Variants in SH2D4A observed in about 807,000 individuals in gnomAD.
The protein encoded by SH2D4A is SH2 domain-containing protein 4A.
A neutral mutation model predicts 64.7 loss-of-function variants in SH2D4A; 70 were observed. That is an observed-to-expected ratio of 1.08 (90% CI 0.89 to 1.32). The LOEUF (loss-of-function observed/expected upper bound fraction) is 1.32. SH2D4A is among the 40% of genes most tolerant of loss of function. The pLI is 0.00. For missense variants in SH2D4A, 706 were observed against 540.1 expected (o/e 1.31, Z -3.04); for synonymous variants, 268 against 200.7 (o/e 1.34, Z -2.83).
intron 4 of SH2D4A, among the ~76,000 whole-genome samples, chr8:19,342,985 T>G (rs4360306): frequency 0.078 from 11,875 of 152,218 alleles, 498 homozygotes; most frequent in Middle Eastern, 0.14. Context: ...AGCACGCTGC[T>G]TCCGTCTCTG....
intron 2 of SH2D4A, among the ~76,000 whole-genome samples, chr8:19,324,549 T>G (rs977091568): frequency 6.6e-6 from 1 of 152,268 alleles, no homozygotes; most frequent in South Asian, 2.1e-4. Context: ...CTTGATCAAT[T>G]CCTCAGCCGC....
In SH2D4A at chr8:19,327,887, C is replaced by G. The variant is rs926095889; in HGVS notation, c.182-5068C>G. Among the ~76,000 whole-genome samples, 10 of 152,180 alleles carry G rather than the reference C, an allele frequency of 6.6e-5. No individual in the cohort carries two copies. The South Asian group carries it at 1.4e-3, about 22-fold the overall frequency. Reference sequence around the variant, plus strand: ...CCTTTGTAGCCTGCCCCACTGGCGTCCCCAGAATGAGTCTCTCTGAAGTCC... The same window carrying G: ...CCTTTGTAGCCTGCCCCACTGGCGTGCCCAGAATGAGTCTCTCTGAAGTCC... On this transcript the variant is annotated intron_variant, in intron 2 of 9. Transcript: ENST00000265807.
chr8:19,343,261 C>T (rs1024033078), intron 4 of SH2D4A, among the ~76,000 whole-genome samples: 4 of 151,846 alleles, frequency 2.6e-5, no homozygotes, highest in African/African-American at 9.7e-5. Flanking sequence ...ACTGTCTCTA[C>T]AGAAATTAAA....
rs1262597262 is a variant in SH2D4A at position 19,395,045 on chromosome 8, G to A, written c.*403G>A. The A allele has an allele frequency of 3.3e-5, 5 of 153,132 alleles. No individual in the cohort carries two copies. Among genetic ancestry groups the A allele is most frequent in the African/African-American group, 1.2e-4 (5 of 41,484 alleles). The allele number at this position is 153,132 out of a possible 1,614,324, so 9.5% of individuals were successfully genotyped here. A position where few individuals can be genotyped will look rare whatever the true frequency, so the allele number is the denominator to read the frequency against. ...GGTTTCAGGGGCCTGTTGACATGAA[G>A]TTTCGAAGTTTCATGTTGGCTTTGG... On this transcript the variant is annotated 3_prime_UTR_variant, in exon 10 of 10. Transcript: ENST00000265807.
intron 2 of SH2D4A, among the ~76,000 whole-genome samples, chr8:19,330,003 C>T (rs1393003095): frequency 6.6e-6 from 1 of 152,198 alleles, no homozygotes; most frequent in Non-Finnish European, 1.5e-5. Context: ...TCATTAAATG[C>T]ATCACCTAAT....
At chr8:19,361,135 A>ATT in intron 5 of SH2D4A, 68 bp from the exon 6 acceptor site, 1 of 880,454 alleles carries the variant, frequency 1.1e-6, no homozygotes, top group South Asian at 1.8e-5. Flanking sequence ...AAACTGCTGG[A>ATT]TTTGCTCACC....
intron 8 of SH2D4A, chr8:19,375,049 C>G (rs192745646): frequency 6.6e-6 from 1 of 152,210 alleles, no homozygotes; most frequent in East Asian, 1.9e-4. Context: ...ACAGGCAGTT[C>G]TGTTTGAAAG....
intron 2 of SH2D4A, among the ~76,000 whole-genome samples, chr8:19,320,866 T>C (rs547916418): frequency 2.6e-5 from 4 of 152,120 alleles, no homozygotes; most frequent in Non-Finnish European, 5.9e-5. Flanking sequence ...GAAAATAAAA[T>C]TTTGTAAAAT....
chr8:19,314,620 C>G (rs956721269), intron 1 of SH2D4A, among the ~76,000 whole-genome samples: 1 of 152,206 alleles, frequency 6.6e-6, no homozygotes, highest in Non-Finnish European at 1.5e-5. Flanking sequence ...GCAAGCGTGG[C>G]ACCTCCCCCT....
chr8:19,347,310 A>G (rs1380061405), intron 4 of SH2D4A, among the ~76,000 whole-genome samples: 1 of 152,174 alleles, frequency 6.6e-6, no homozygotes, highest in East Asian at 1.9e-4. Flanking sequence ...ATGGGGAGTT[A>G]ATGGGACTCA....
rs190515941 is a variant in SH2D4A at position 19,339,022 on chromosome 8, C to T, written c.513+4165C>T. On this transcript the variant is annotated intron_variant, in intron 4 of 9. Coordinates refer to ENST00000265807, the MANE Select transcript of SH2D4A (RefSeq NM_022071.4). ...CAAGCCGGTACAAGTCCCCAAACCT[C>T]AAAAGCAGGGAAGCCGACAGTGCAG... 1.4e-4 allele frequency among the ~76,000 whole-genome samples: 21 copies of T among 152,336 alleles called. No homozygotes were observed. In the East Asian group the frequency reaches 3.9e-3, roughly 28 times the overall value.
At chr8:19,342,489 C>T (rs2052544280) in intron 4 of SH2D4A, among the ~76,000 whole-genome samples, 1 of 152,168 alleles carries the variant, frequency 6.6e-6, no homozygotes, top group African/African-American at 2.4e-5. Context: ...TGCCTTAGTG[C>T]TGGTCATTGG....
intron 7 of SH2D4A, among the ~76,000 whole-genome samples, chr8:19,367,530 C>T (rs571951823): frequency 5.9e-5 from 9 of 152,010 alleles, no homozygotes; most frequent in East Asian, 1.9e-4. Context: ...GTTGGTCATT[C>T]GTATGTCTTC....
At chr8:19,329,711 G>A (rs957294454) in intron 2 of SH2D4A, among the ~76,000 whole-genome samples, 2 of 152,164 alleles carry the variant, frequency 1.3e-5, no homozygotes, top group Non-Finnish European at 2.9e-5. Context: ...TAGTGAATAA[G>A]TCTTCTGAGA....
chr8:19,371,892 T>G (rs1020077691), intron 7 of SH2D4A, among the ~76,000 whole-genome samples: 2 of 152,214 alleles, frequency 1.3e-5, no homozygotes, highest in African/African-American at 2.4e-5. Context: ...TTAAAATTAC[T>G]TCAGTCTTTC....
chr8:19,319,904 C>G (rs774285119), intron 2 of SH2D4A, among the ~76,000 whole-genome samples, 176 bp downstream of exon 2: 2 of 152,214 alleles, frequency 1.3e-5, no homozygotes, highest in Admixed American at 6.5e-5. Flanking sequence ...TACACACACA[C>G]ACACAGCATT....
chr8:19,347,253 A>ACACG (rs1176357980), intron 4 of SH2D4A, among the ~76,000 whole-genome samples: 2 of 152,196 alleles, frequency 1.3e-5, no homozygotes, highest in East Asian at 1.9e-4. Context: ...AGGTTTTGAG[A>ACACG]CACGCACGTT....
At chr8:19,317,364 A>C (rs908895223) in intron 1 of SH2D4A, among the ~76,000 whole-genome samples, 19 of 147,202 alleles carry the variant, frequency 1.3e-4, no homozygotes, top group Non-Finnish European at 1.5e-4. Flanking sequence ...AATGCAAAAT[A>C]CAAAGTTGGC....
chr8:19,361,315 G>A lies in SH2D4A; in HGVS notation c.706+1G>A, dbSNP rs145746072. ...GAAGACTCGGAATGGCAGGCATCTC[G>A]TGAGTACCCAGAGGTCTCCATAGCA... On this transcript the variant is annotated splice_donor_variant, in intron 6 of 9. Transcript: ENST00000265807. LOFTEE classifies it high-confidence loss of function. 2,388 of 1,608,454 alleles carry A rather than the reference G, an allele frequency of 1.5e-3. 1 individual carries two copies. The highest frequency in any genetic ancestry group is 1.9e-3 in the Non-Finnish European group (2,221 of 1,178,396).
Sources: gnomAD v4.1 joint callset for allele counts (sites outside exome capture counted in the v4.1 genomes callset) on GRCh38, gnomAD v4.1.1 for gene constraint, MANE v1.5 for transcripts, NCBI Gene and HGNC (gene_info 2026-07-23, HGNC 2026-07-21) for gene names.